The following CDH12 variants were observed in gnomAD, a reference collection of about 807,000 sequenced individuals.
The protein encoded by CDH12 is cadherin-12.
CDH12 carries 41 observed loss-of-function variants against 74.1 expected under a neutral mutation model. The ratio of observed to expected loss-of-function variants is 0.55; its 90% CI spans 0.43 to 0.72. The LOEUF is 0.72. Ranked by LOEUF, CDH12 falls within the 30% of genes least tolerant of loss-of-function variation. CDH12 has a pLI of 0.00. For missense variants in CDH12, 945 were observed against 977.2 expected (o/e 0.97, Z 0.44); for synonymous variants, 399 against 355.0 (o/e 1.12, Z -1.39).
chr5:22,790,413 T>C (rs1232345023), intron 1 of CDH12, among the ~76,000 whole-genome samples: 2 of 152,116 alleles, frequency 1.3e-5, no homozygotes. Flanking sequence ...TTTGCCAGAC[T>C]ATAAATAGAT....
At position 22,083,691 on chromosome 5, in the gene CDH12, C is replaced by T. The variant is rs138801442; in HGVS notation, c.-186-4829G>A. On this transcript the variant is annotated intron_variant, in intron 4 of 14. Transcript: ENST00000382254. ...GGAACAGAGATGTTAAGTGACTTGA[C>T]CATGATCTACATGTTAGTACATAGC... Among the ~76,000 whole-genome samples, 31 of 152,198 alleles carry T rather than the reference C, an allele frequency of 2.0e-4. No individual in the cohort carries two copies. In the East Asian group the frequency reaches 5.8e-3, roughly 29 times the overall value.
chr5:21,915,834 G>C (rs888783355), intron 6 of CDH12, among the ~76,000 whole-genome samples: 1 of 149,990 alleles, frequency 6.7e-6, no homozygotes, highest in Admixed American at 6.6e-5. Flanking sequence ...GTGTGTGTGT[G>C]TGTGTGTGTG....
At chr5:22,785,929 A>G (rs1049061771) in intron 1 of CDH12, among the ~76,000 whole-genome samples, 3 of 152,224 alleles carry the variant, frequency 2.0e-5, no homozygotes, top group Non-Finnish European at 4.4e-5. Context: ...ATCTAAAGAC[A>G]GAAATATCAT....
intron 8 of CDH12, among the ~76,000 whole-genome samples, chr5:21,832,821 T>A (rs1422439591): frequency 8.5e-6 from 1 of 117,494 alleles, no homozygotes; most frequent in African/African-American, 3.2e-5. Flanking sequence ...TAATATATGA[T>A]ATATATTATA....
At chr5:22,178,557 G>A (rs1233547840) in intron 4 of CDH12, among the ~76,000 whole-genome samples, 1 of 152,190 alleles carries the variant, frequency 6.6e-6, no homozygotes, top group African/African-American at 2.4e-5. Flanking sequence ...ACTCTTAGAA[G>A]CTGAAATTGC....
intron 1 of CDH12, among the ~76,000 whole-genome samples, chr5:22,696,840 C>G (rs1742392350): frequency 1.3e-5 from 2 of 151,934 alleles, no homozygotes; most frequent in East Asian, 1.9e-4. Flanking sequence ...TACAATATTG[C>G]AAGGCTGGGA....
At chr5:21,857,537 A>G (rs1031935579) in intron 6 of CDH12, among the ~76,000 whole-genome samples, 1 of 151,900 alleles carries the variant, frequency 6.6e-6, no homozygotes, top group Admixed American at 6.6e-5. Flanking sequence ...GTTATTTTAT[A>G]GTAATAACTA....
At chr5:21,872,744 TTTTGA>T (rs1482770657) in intron 6 of CDH12, among the ~76,000 whole-genome samples, 3 of 152,258 alleles carry the variant, frequency 2.0e-5, no homozygotes, top group African/African-American at 4.8e-5. Flanking sequence ...ACATTATTTA[TTTTGA>T]TTTGATCAGA....
intron 8 of CDH12, among the ~76,000 whole-genome samples, chr5:21,833,175 AT>A (rs1339545545): frequency 0.012 from 485 of 41,238 alleles, 70 homozygotes; most frequent in Non-Finnish European, 0.014. Flanking sequence ...TATATTATAA[AT>A]ATATATTATA....
At chr5:22,728,753 G>A (rs1176858864) in intron 1 of CDH12, among the ~76,000 whole-genome samples, 1 of 151,740 alleles carries the variant, frequency 6.6e-6, no homozygotes, top group Non-Finnish European at 1.5e-5. Context: ...TTCTCACGTG[G>A]CGGAGAGCAG....
intron 1 of CDH12, among the ~76,000 whole-genome samples, chr5:22,613,155 G>T: frequency 6.6e-6 from 1 of 151,914 alleles, no homozygotes; most frequent in East Asian, 1.9e-4. Context: ...TTTGAATTAT[G>T]AACCTCTGCA....
chr5:21,970,230 G>C (rs2150118192), intron 6 of CDH12, among the ~76,000 whole-genome samples: 1 of 152,214 alleles, frequency 6.6e-6, no homozygotes, highest in Non-Finnish European at 1.5e-5. Context: ...TTTATGTGTG[G>C]AAAATAAATA....
intron 1 of CDH12, among the ~76,000 whole-genome samples, chr5:22,535,035 C>T (rs1737769537): frequency 6.7e-6 from 1 of 149,116 alleles, no homozygotes; most frequent in South Asian, 2.1e-4. Flanking sequence ...TGCAGTGGCC[C>T]GTCTCCGCTC....
intron 1 of CDH12, among the ~76,000 whole-genome samples, chr5:22,729,309 T>G (rs1359351227): frequency 4.0e-5 from 6 of 151,806 alleles, no homozygotes; most frequent in African/African-American, 1.2e-4. Flanking sequence ...GATGGCTCCC[T>G]GTAACTTCAA....
At chr5:22,337,641 G>T (rs750800921) in intron 3 of CDH12, among the ~76,000 whole-genome samples, 6 of 152,162 alleles carry the variant, frequency 3.9e-5, no homozygotes, top group Non-Finnish European at 7.3e-5. Flanking sequence ...CCATGATGGT[G>T]AGGCCTCCCC....
intron 4 of CDH12, among the ~76,000 whole-genome samples, chr5:22,090,298 T>G (rs1009911946): frequency 6.6e-6 from 1 of 151,824 alleles, no homozygotes; most frequent in African/African-American, 2.4e-5. Flanking sequence ...AATGGACACA[T>G]TTTTAGAAAG....
chr5:22,340,924 A>C (rs1739821321), intron 3 of CDH12, among the ~76,000 whole-genome samples: 1 of 152,210 alleles, frequency 6.6e-6, no homozygotes, highest in East Asian at 1.9e-4. Flanking sequence ...TGTTCTTAGT[A>C]GTCACATCTT....
intron 8 of CDH12, among the ~76,000 whole-genome samples, chr5:21,820,566 A>T (rs1748311633): frequency 6.6e-6 from 1 of 152,130 alleles, no homozygotes; most frequent in East Asian, 1.9e-4. Flanking sequence ...GTAAGGTGGA[A>T]GACACGTTCA....
At chr5:21,761,068 G>A (rs1371562747) in intron 12 of CDH12, among the ~76,000 whole-genome samples, 1 of 152,056 alleles carries the variant, frequency 6.6e-6, no homozygotes, top group Non-Finnish European at 1.5e-5. Context: ...AAGCCCTTGT[G>A]ATAGCAAAAT....
Sources: allele counts gnomAD v4.1 joint callset (sites outside exome capture counted in the v4.1 genomes callset), GRCh38; gene constraint gnomAD v4.1.1; transcripts MANE v1.5; gene names NCBI Gene and HGNC (gene_info 2026-07-23, HGNC 2026-07-21).